The following ANK3 variants were observed in gnomAD, a reference collection of about 807,000 sequenced individuals.
ANK3 encodes ankyrin 3.
A neutral mutation model predicts 370.9 loss-of-function variants in ANK3; 57 were observed. The observed-to-expected ratio is 0.15, with a 90% CI of 0.12 to 0.19. The LOEUF (loss-of-function observed/expected upper bound fraction) is 0.19, where lower values mean the gene tolerates loss of function less well. ANK3 is among the 10% of genes least tolerant of loss of function. The probability of loss-of-function intolerance (pLI) is 1.00; values close to 1 mark genes in which losing one functional copy is unlikely to be tolerated. For missense variants in ANK3, 4,439 were observed against 5,302.1 expected, an observed-to-expected ratio of 0.84 and a Z score of 5.06; for synonymous variants, 1,929 against 1,946.3, an observed-to-expected ratio of 0.99 and a Z score of 0.23.
intron 1 of ANK3, among the ~76,000 whole-genome samples, chr10:60,636,251 C>G (rs1358286864): frequency 6.6e-6 from 1 of 152,068 alleles, no homozygotes; most frequent in Non-Finnish European, 1.5e-5. Flanking sequence ...AATTTTAACC[C>G]TTGCTTATAC....
At position 60,500,989 on chromosome 10, in the gene ANK3, G is replaced by C. The variant is rs185303189; in HGVS notation, c.96+114197C>G. 1.5e-3 allele frequency among the ~76,000 whole-genome samples: 224 copies of C among 152,194 alleles called. 4 individuals carry two copies. The highest frequency in any genetic ancestry group is 0.014 in the Admixed American group (220 of 15,288). On this transcript the variant is annotated intron_variant, in intron 2 of 43. Coordinates refer to the ANK3 transcript ENST00000373827. ...TGCAAGCAAACCATATAAATATTCT[G>C]CCTTCCAAGTCCTTATAGTCCCAAG...
chr10:60,491,607 T>C (rs1322405484), intron 2 of ANK3, among the ~76,000 whole-genome samples: 2 of 152,212 alleles, frequency 1.3e-5, no homozygotes, highest in Non-Finnish European at 2.9e-5. Flanking sequence ...AAGTTTGATA[T>C]AGTTGGGGAA....
chr10:60,345,429 A>C (rs1344396802), intron 1 of ANK3, among the ~76,000 whole-genome samples: 2 of 152,140 alleles, frequency 1.3e-5, no homozygotes, highest in Non-Finnish European at 2.9e-5. Flanking sequence ...TGCAAATATA[A>C]AGAGTACTGA....
Position 60,362,513 on chromosome 10 carries a change from A to G in ANK3, c.114+26912T>C, listed in dbSNP as rs1468042762. 2.0e-5 allele frequency among the ~76,000 whole-genome samples: 3 copies of G among 152,202 alleles called. No homozygotes were observed. In the East Asian group the frequency reaches 5.8e-4, roughly 29 times the overall value. ...GAAGGCAGAAAGCTTACTGTCCCAAATGAGAATACTTCTATCGCACGTGAG... is the reference window on the plus strand; with the variant it reads ...GAAGGCAGAAAGCTTACTGTCCCAAGTGAGAATACTTCTATCGCACGTGAG... On this transcript the variant is annotated intron_variant, in intron 1 of 43. Transcript: ENST00000280772.
intron 42 of ANK3, among the ~76,000 whole-genome samples, chr10:60,046,808 A>T (rs1457580145): frequency 7.2e-6 from 1 of 138,688 alleles, no homozygotes. Flanking sequence ...AGTAATCTCA[A>T]TTTTTTTTTT....
chr10:60,570,776 A>G (rs2077575574), intron 2 of ANK3, among the ~76,000 whole-genome samples: 2 of 152,092 alleles, frequency 1.3e-5, no homozygotes, highest in South Asian at 4.1e-4. Flanking sequence ...TTGACTTTAT[A>G]TTGTGCTCTG....
rs1481668162 is a variant in ANK3 at position 60,389,871 on chromosome 10, C to T, written c.-333G>A. ...ATCCCCTGCCACCAGCTGGAAGTGT[C>T]TAAGTGATTCCTCGGAAGGGGGAAT... On this transcript the variant is annotated 5_prime_UTR_variant, in exon 1 of 44. Coordinates refer to ENST00000280772, the MANE Select transcript of ANK3 (RefSeq NM_020987.5). The T allele has an allele frequency of 1.9e-6, 2 of 1,055,874 alleles. No homozygotes were observed. Among genetic ancestry groups the T allele is most frequent in the Non-Finnish European group, 2.3e-6 (2 of 876,300 alleles). The allele number at this position is 1,055,874 out of a possible 1,614,324, so 65.4% of individuals were successfully genotyped here.
At chr10:60,436,085 T>G (rs1435061302) in intron 2 of ANK3, among the ~76,000 whole-genome samples, 1 of 88,754 alleles carries the variant, frequency 1.1e-5, no homozygotes, top group Non-Finnish European at 2.3e-5. Context: ...CGAGACTCCG[T>G]CTCAAAAAAA....
chr10:60,343,267 G>T (rs1179159651), intron 1 of ANK3, among the ~76,000 whole-genome samples: 1 of 152,124 alleles, frequency 6.6e-6, no homozygotes, highest in African/African-American at 2.4e-5. Flanking sequence ...TAGTGGTTTT[G>T]CATTCAGCAT....
At chr10:60,130,209 C>T (rs1195451397) in intron 25 of ANK3, among the ~76,000 whole-genome samples, 1 of 152,198 alleles carries the variant, frequency 6.6e-6, no homozygotes, top group Non-Finnish European at 1.5e-5. Context: ...CCACCTCTCC[C>T]ACTCCCCTCC....
chr10:60,146,372 G>T (rs2094823828), intron 23 of ANK3, among the ~76,000 whole-genome samples: 1 of 152,170 alleles, frequency 6.6e-6, no homozygotes, highest in Non-Finnish European at 1.5e-5. Context: ...TGTCACAGGG[G>T]TTTGGTGTAC....
intron 1 of ANK3, among the ~76,000 whole-genome samples, chr10:60,368,689 T>C (rs995586541): frequency 6.6e-6 from 1 of 152,184 alleles, no homozygotes; most frequent in African/African-American, 2.4e-5. Context: ...CCTCCTTTAA[T>C]AACAATTAGA....
chr10:60,683,875 G>T (rs1313244031), intron 1 of ANK3, among the ~76,000 whole-genome samples: 1 of 152,210 alleles, frequency 6.6e-6, no homozygotes, highest in Non-Finnish European at 1.5e-5. Context: ...AGGAAGAACA[G>T]AAGGATGGAA....
intron 2 of ANK3, among the ~76,000 whole-genome samples, chr10:60,590,002 G>T (rs567722300): frequency 6.6e-6 from 1 of 152,176 alleles, no homozygotes; most frequent in South Asian, 2.1e-4. Context: ...TCTTTTTTAT[G>T]TTTACTCTGG....
chr10:60,461,578 C>T (rs986644177), intron 2 of ANK3, among the ~76,000 whole-genome samples: 2 of 152,102 alleles, frequency 1.3e-5, no homozygotes, highest in Non-Finnish European at 2.9e-5. Flanking sequence ...TGTCTGACTT[C>T]GTCTAGGTGT....
chr10:60,455,480 C>T (rs2064723363), intron 2 of ANK3, among the ~76,000 whole-genome samples: 1 of 152,138 alleles, frequency 6.6e-6, no homozygotes, highest in African/African-American at 2.4e-5. Flanking sequence ...CTTCAATGTA[C>T]TAACATTTTA....
At chr10:60,551,482 T>C (rs1250069598) in intron 2 of ANK3, among the ~76,000 whole-genome samples, 1 of 152,194 alleles carries the variant, frequency 6.6e-6, no homozygotes, top group Non-Finnish European at 1.5e-5. Flanking sequence ...AAAGAAGATA[T>C]GTATGTACAA....
upstream of ANK3, chr10:60,389,975 G>GAA (rs2062957679): frequency 2.5e-6 from 1 of 403,204 alleles, no homozygotes; most frequent in Non-Finnish European, 3.4e-6. Context: ...CGCTAATTCT[G>GAA]AAAACCTATT....
chr10:60,673,772 C>A (rs186001891), intron 1 of ANK3, among the ~76,000 whole-genome samples: 1 of 152,206 alleles, frequency 6.6e-6, no homozygotes, highest in Non-Finnish European at 1.5e-5. Flanking sequence ...GATCTCCTTC[C>A]TTCTGCACTC....
Sources: allele counts gnomAD v4.1 joint callset (sites outside exome capture counted in the v4.1 genomes callset), GRCh38; gene constraint gnomAD v4.1.1; transcripts MANE v1.5; gene names NCBI Gene and HGNC (gene_info 2026-07-23, HGNC 2026-07-21).